Variants in VMP1 observed in about 807,000 individuals in gnomAD.
VMP1 encodes ectopic P-granules autophagy protein 3 homolog.
VMP1 carries 11 observed loss-of-function variants against 56.0 expected under a neutral mutation model. That is an observed-to-expected ratio of 0.20 (90% CI 0.12 to 0.32). VMP1 has a LOEUF of 0.32. Ranked by LOEUF, VMP1 falls within the 10% of genes least tolerant of loss-of-function variation. VMP1 has a pLI of 1.00. For missense variants in VMP1, 296 were observed against 490.3 expected (o/e 0.60, Z 3.74); for synonymous variants, 149 against 165.0 (o/e 0.90, Z 0.74).
intron 10 of VMP1, among the ~76,000 whole-genome samples, chr17:59,835,239 C>T (rs932719087): frequency 1.3e-5 from 2 of 151,466 alleles, no homozygotes; most frequent in South Asian, 2.1e-4. Context: ...AGCGATTCTT[C>T]GGCCTCAGCC....
intron 5 of VMP1, among the ~76,000 whole-genome samples, chr17:59,752,588 GA>G (rs1290534115): frequency 6.6e-6 from 1 of 152,162 alleles, no homozygotes; most frequent in Non-Finnish European, 1.5e-5. Flanking sequence ...TTTTTGAAGG[GA>G]AAAGCAGAAG....
At chr17:59,735,677 T>G (rs1386980590) in intron 3 of VMP1, 6 of 547,116 alleles carry the variant, frequency 1.1e-5, no homozygotes, top group Non-Finnish European at 1.6e-5. Context: ...GCTGTTTGCT[T>G]ACTGGATTAT....
In VMP1 at chr17:59,801,089, A is replaced by T. The variant is rs868837379; in HGVS notation, c.715-7707A>T. 2.0e-3 allele frequency among the ~76,000 whole-genome samples: 233 copies of T among 114,398 alleles called. 6 individuals carry two copies. Among genetic ancestry groups the T allele is most frequent in the African/African-American group, 6.9e-3 (157 of 22,786 alleles). 75.0% of individuals were successfully genotyped at this position (114,398 alleles called of 152,430 possible). On this transcript the variant is annotated intron_variant, in intron 7 of 11. Transcript: ENST00000262291. ...AGCAAGACTCCATCTCGAAAAAAAA[A>T]AAATATATATATATATATATATATG... is the stretch of plus-strand genomic sequence containing the variant.
At chr17:59,797,281 G>C (rs1280938170) in intron 7 of VMP1, among the ~76,000 whole-genome samples, 1 of 147,822 alleles carries the variant, frequency 6.8e-6, no homozygotes, top group Non-Finnish European at 1.5e-5. Context: ...AGGTTGCAGT[G>C]AGCCGAGATC....
In VMP1 at chr17:59,731,414, G is replaced by T; in HGVS notation, c.-26-7G>T. 1.3e-6 allele frequency: 2 copies of T among 1,553,808 alleles called. No homozygotes were observed. The highest frequency in any genetic ancestry group is 1.7e-6 in the Non-Finnish European group (2 of 1,143,406). The stretch of plus-strand genomic sequence containing the variant: ...ATGTATTGCTGGATTTTATTTTGCT[G>T]TATTAGCTCCTCAAGAGTTACTGAT... On this transcript the variant is annotated splice_region_variant and splice_polypyrimidine_tract_variant and intron_variant, in intron 1 of 11. Transcript: ENST00000262291.
chr17:59,720,673 C>T (rs2034354551), intron 1 of VMP1, among the ~76,000 whole-genome samples: 1 of 152,126 alleles, frequency 6.6e-6, no homozygotes, highest in African/African-American at 2.4e-5. Context: ...GTGTAGTGCA[C>T]TTATATATTA....
chr17:59,749,370 C>A (rs2665397), intron 5 of VMP1, among the ~76,000 whole-genome samples: 62,659 of 151,716 alleles, frequency 0.41, 14,755 homozygotes, highest in Non-Finnish European at 0.53. Flanking sequence ...ATACAGAAAA[C>A]CCAAAGAAGA....
chr17:59,732,984 A>G (rs2034889973), intron 2 of VMP1, among the ~76,000 whole-genome samples: 1 of 152,152 alleles, frequency 6.6e-6, no homozygotes, highest in African/African-American at 2.4e-5. Flanking sequence ...CCAGGACAAC[A>G]CAGGGAAACC....
intron 1 of VMP1, among the ~76,000 whole-genome samples, chr17:59,730,392 A>G (rs892237556): frequency 1.3e-5 from 2 of 151,862 alleles, no homozygotes; most frequent in Non-Finnish European, 2.9e-5. Context: ...CAGCCTCCTG[A>G]GCAACTAGAA....
chr17:59,802,658 C>T (rs534187215), intron 7 of VMP1, among the ~76,000 whole-genome samples: 2 of 152,290 alleles, frequency 1.3e-5, no homozygotes, highest in South Asian at 2.1e-4. Flanking sequence ...CTCCGCCTCC[C>T]GGGTTCAAGC....
chr17:59,794,969 C>T (rs918570200), intron 7 of VMP1, among the ~76,000 whole-genome samples: 4 of 146,782 alleles, frequency 2.7e-5, no homozygotes, highest in African/African-American at 1.0e-4. Flanking sequence ...GTAAACTAAT[C>T]GTTGGCACTA....
At chr17:59,839,729 A>T (rs1316212245) in intron 11 of VMP1, 39 bp from the exon 12 acceptor site, 2 of 1,578,800 alleles carry the variant, frequency 1.3e-6, no homozygotes, top group Non-Finnish European at 1.7e-6. Flanking sequence ...GAACTAATGA[A>T]GCCTTTTTCA....
intron 10 of VMP1, among the ~76,000 whole-genome samples, chr17:59,833,114 G>A (rs967177621): frequency 2.0e-5 from 3 of 151,924 alleles, no homozygotes; most frequent in South Asian, 2.1e-4. Context: ...TACTCCCACC[G>A]TGTGTGCACT....
Position 59,821,010 on chromosome 17 carries a change from G to A in VMP1, c.974+3237G>A, listed in dbSNP as rs1314640586. Reference sequence around the variant, plus strand: ...TTTTGTGACGGAGTCTCACTGTGTCGCCCAGGCTGGAGTGCAGTGGCGCGA... The same window carrying A: ...TTTTGTGACGGAGTCTCACTGTGTCACCCAGGCTGGAGTGCAGTGGCGCGA... On this transcript the variant is annotated intron_variant, in intron 10 of 11. Coordinates refer to ENST00000262291, the MANE Select transcript of VMP1 (RefSeq NM_030938.5). Among the ~76,000 whole-genome samples the A allele has an allele frequency of 6.3e-5, 9 of 142,394 alleles. No individual in the cohort carries two copies. The East Asian group carries it at 1.6e-3, about 25-fold the overall frequency. The allele number at this position is 142,394 out of a possible 152,430, so 93.4% of individuals were successfully genotyped here.
chr17:59,759,108 T>C (rs1598350314), intron 5 of VMP1, among the ~76,000 whole-genome samples: 1 of 152,096 alleles, frequency 6.6e-6, no homozygotes, highest in East Asian at 1.9e-4. Context: ...ACAACAAAAT[T>C]AGTTGGTTGT....
At chr17:59,764,616 G>A (rs1435611884) in intron 5 of VMP1, among the ~76,000 whole-genome samples, 1 of 152,182 alleles carries the variant, frequency 6.6e-6, no homozygotes, top group African/African-American at 2.4e-5. Context: ...GAGCTGCTGT[G>A]CCTGGCCAAG....
At chr17:59,801,079 C>CAAA (rs2037625739) in intron 7 of VMP1, among the ~76,000 whole-genome samples, 13 of 27,348 alleles carry the variant, frequency 4.8e-4, no homozygotes, top group Admixed American at 2.9e-3. Context: ...GACTCCATCT[C>CAAA]GAAAAAAAAA....
chr17:59,809,883 T>C (rs900242162), intron 8 of VMP1, among the ~76,000 whole-genome samples: 11 of 152,162 alleles, frequency 7.2e-5, no homozygotes, highest in Middle Eastern at 3.2e-3. Context: ...TATTTCATCA[T>C]GTAGTGATGA....
intron 10 of VMP1, among the ~76,000 whole-genome samples, chr17:59,835,452 GATTT>G (rs1466716929): frequency 1.3e-5 from 2 of 150,236 alleles, no homozygotes; most frequent in African/African-American, 4.9e-5. Context: ...TGAAAACATT[GATTT>G]ATGAGAAGGA....
Sources: gnomAD v4.1 joint callset for allele counts (sites outside exome capture counted in the v4.1 genomes callset) on GRCh38, gnomAD v4.1.1 for gene constraint, MANE v1.5 for transcripts, NCBI Gene and HGNC (gene_info 2026-07-23, HGNC 2026-07-21) for gene names.